KCNIP4: variants seen among roughly 807,000 people sequenced by gnomAD.
KCNIP4 encodes potassium voltage-gated channel interacting protein 4, also known as Kv channel-interacting protein 4.
Under a neutral mutation model 34.0 loss-of-function variants are expected in KCNIP4, and 12 were observed. The ratio of observed to expected loss-of-function variants is 0.35; its 90% confidence interval spans 0.23 to 0.57. The LOEUF (loss-of-function observed/expected upper bound fraction) is 0.57, where lower values mean the gene tolerates loss of function less well. KCNIP4 is among the 20% of genes least tolerant of loss of function. The pLI, the probability that KCNIP4 is intolerant of heterozygous loss-of-function variation, is 0.83. For missense variants in KCNIP4, 238 were observed against 311.7 expected (o/e 0.76, Z 1.78); for synonymous variants, 124 against 102.2 (o/e 1.21, Z -1.29).
intron 1 of KCNIP4, among the ~76,000 whole-genome samples, chr4:21,939,679 G>C (rs766967253): frequency 6.6e-6 from 1 of 152,132 alleles, no homozygotes; most frequent in Non-Finnish European, 1.5e-5. Flanking sequence ...ACTGGACCAT[G>C]AGCGGACAGG....
rs544383492 is a variant in KCNIP4, at chr4:21,660,481, T to A, written c.61+288090A>T. On this transcript the variant is annotated intron_variant, in intron 1 of 8. Transcript: ENST00000382152. ...TACTTTCCATTGATCTACCCACATA[T>A]CTTTTCAAATCTTCCCTGAAGTTGT... Among the ~76,000 whole-genome samples the A allele has an allele frequency of 1.6e-4, 24 of 152,276 alleles. No individual in the cohort carries two copies. The South Asian group carries it at 4.8e-3, about 30-fold the overall frequency.
intron 1 of KCNIP4, among the ~76,000 whole-genome samples, chr4:21,547,553 G>A (rs1738241365): frequency 6.6e-6 from 1 of 151,842 alleles, no homozygotes; most frequent in African/African-American, 2.4e-5. Context: ...TCCTCTTTGG[G>A]CAACAGTCCC....
chr4:21,027,804 T>G (rs182248686), intron 1 of KCNIP4, among the ~76,000 whole-genome samples: 2 of 152,230 alleles, frequency 1.3e-5, no homozygotes, highest in Admixed American at 1.3e-4. Context: ...TTCTCTTCTC[T>G]TATTTATGTA....
chr4:21,755,702 A>G (rs1285825356), intron 1 of KCNIP4, among the ~76,000 whole-genome samples: 1 of 152,212 alleles, frequency 6.6e-6, no homozygotes, highest in Non-Finnish European at 1.5e-5. Context: ...AAATATCTGG[A>G]AGAAAAAAAA....
intron 1 of KCNIP4, chr4:20,983,898 C>T: frequency 6.5e-7 from 1 of 1,536,136 alleles, no homozygotes; most frequent in Non-Finnish European, 8.7e-7. Context: ...GTTTGCAGTC[C>T]TTCGGACTCC....
At chr4:21,525,380 A>G (rs1456321689) in intron 1 of KCNIP4, among the ~76,000 whole-genome samples, 2 of 152,160 alleles carry the variant, frequency 1.3e-5, no homozygotes, top group Non-Finnish European at 2.9e-5. Flanking sequence ...ACTGTTCAGT[A>G]CTGAAAAGTA....
chr4:20,833,272 T>C (rs1718644141), intron 3 of KCNIP4, among the ~76,000 whole-genome samples: 1 of 152,214 alleles, frequency 6.6e-6, no homozygotes, highest in South Asian at 2.1e-4. Flanking sequence ...AATTTTTCAA[T>C]GATAATTATT....
chr4:20,952,659 G>A (rs536900190), intron 1 of KCNIP4, among the ~76,000 whole-genome samples: 2 of 152,022 alleles, frequency 1.3e-5, no homozygotes, highest in Non-Finnish European at 2.9e-5. Context: ...TTGAATAACT[G>A]GTCATAATAA....
At chr4:20,877,954 A>G (rs1724241385) in intron 2 of KCNIP4, among the ~76,000 whole-genome samples, 2 of 140,556 alleles carry the variant, frequency 1.4e-5, no homozygotes, top group African/African-American at 5.5e-5. Context: ...GGCCAGAGCT[A>G]ATGTTTTCTC....
intron 1 of KCNIP4, among the ~76,000 whole-genome samples, chr4:21,552,954 C>T (rs1173148588): frequency 6.6e-6 from 1 of 152,036 alleles, no homozygotes; most frequent in Non-Finnish European, 1.5e-5. Flanking sequence ...TATTTCACAT[C>T]CTACTCAGCT....
At chr4:21,079,103 C>T (rs1745778868) in intron 1 of KCNIP4, among the ~76,000 whole-genome samples, 1 of 151,992 alleles carries the variant, frequency 6.6e-6, no homozygotes, top group Non-Finnish European at 1.5e-5. Context: ...GGTCTCTATC[C>T]TTCCTGCTTA....
At chr4:21,245,314 C>T (rs139888742) in intron 1 of KCNIP4, among the ~76,000 whole-genome samples, 6 of 152,304 alleles carry the variant, frequency 3.9e-5, no homozygotes, top group African/African-American at 1.4e-4. Flanking sequence ...GGCCGCATCA[C>T]ATTCCTCCAT....
chr4:20,832,062 T>A (rs920124963), intron 3 of KCNIP4, among the ~76,000 whole-genome samples: 1 of 152,212 alleles, frequency 6.6e-6, no homozygotes, highest in Non-Finnish European at 1.5e-5. Flanking sequence ...TTGTTACTTT[T>A]TTTTTCATGA....
chr4:21,510,757 C>T (rs1430001698), intron 1 of KCNIP4, among the ~76,000 whole-genome samples: 6 of 152,154 alleles, frequency 3.9e-5, no homozygotes, highest in African/African-American at 1.4e-4. Flanking sequence ...GTGGCTCATG[C>T]CTGTAACCCA....
chr4:21,319,731 C>T (rs1443181391), intron 1 of KCNIP4, among the ~76,000 whole-genome samples: 1 of 152,168 alleles, frequency 6.6e-6, no homozygotes, highest in African/African-American at 2.4e-5. Flanking sequence ...CAGATCCAAA[C>T]AGACATCAGT....
chr4:21,549,704 A>T (rs1738410828), intron 1 of KCNIP4, among the ~76,000 whole-genome samples: 1 of 152,088 alleles, frequency 6.6e-6, no homozygotes, highest in Admixed American at 6.6e-5. Flanking sequence ...ACTAATGATG[A>T]GACTGAGTCA....
At chr4:21,568,192 G>A (rs549484697) in intron 1 of KCNIP4, among the ~76,000 whole-genome samples, 1 of 152,204 alleles carries the variant, frequency 6.6e-6, no homozygotes, top group South Asian at 2.1e-4. Flanking sequence ...AAATTCATGT[G>A]TTGAGTTTCT....
chr4:20,879,795 A>G (rs1724474477), intron 2 of KCNIP4, among the ~76,000 whole-genome samples: 1 of 152,220 alleles, frequency 6.6e-6, no homozygotes, highest in Non-Finnish European at 1.5e-5. Flanking sequence ...CAATTTGTGG[A>G]AAAATTTTCT....
chr4:20,844,074 T>C (rs1338713793), intron 3 of KCNIP4, among the ~76,000 whole-genome samples: 2 of 152,206 alleles, frequency 1.3e-5, no homozygotes, highest in Non-Finnish European at 2.9e-5. Flanking sequence ...TTTATTTTCT[T>C]ATCTACATGG....
Sources: gnomAD v4.1 joint callset for allele counts (sites outside exome capture counted in the v4.1 genomes callset) on GRCh38, gnomAD v4.1.1 for gene constraint, MANE v1.5 for transcripts, NCBI Gene and HGNC (gene_info 2026-07-23, HGNC 2026-07-21) for gene names.